Variants in CSMD1 observed in about 807,000 individuals in gnomAD.
CSMD1 encodes CUB and sushi domain-containing protein 1.
Under a neutral mutation model 417.5 loss-of-function variants are expected in CSMD1, and 213 were observed. The observed-to-expected ratio is 0.51, with a 90% CI of 0.46 to 0.57. The LOEUF is 0.57. CSMD1 is among the 20% of genes least tolerant of loss of function. The pLI, the probability that CSMD1 is intolerant of heterozygous loss-of-function variation, is 0.00. For missense variants in CSMD1, 6,923 were observed against 4,529.7 expected, an observed-to-expected ratio of 1.53 and a Z score of -15.17; for synonymous variants, 2,862 against 1,736.8, an observed-to-expected ratio of 1.65 and a Z score of -16.11.
intron 2 of CSMD1, among the ~76,000 whole-genome samples, chr8:4,633,639 C>T (rs1802667538): frequency 6.6e-6 from 1 of 152,154 alleles, no homozygotes; most frequent in Non-Finnish European, 1.5e-5. Flanking sequence ...TCACTGCAAC[C>T]TCCATTTCCC....
chr8:4,713,693 C>T (rs976601095), intron 1 of CSMD1, among the ~76,000 whole-genome samples: 1 of 152,174 alleles, frequency 6.6e-6, no homozygotes, highest in Admixed American at 6.5e-5. Flanking sequence ...TCCAGCTGCT[C>T]GCCACTGCCT....
Position 3,310,841 on chromosome 8 carries a change from G to A in CSMD1, c.3632-2338C>T, listed in dbSNP as rs575786885. Reference sequence around the variant, plus strand: ...CACCTTAACAAACCACACCCAATGTGACCCGAACTTCTCGTTTTTCAAGGG... The same window carrying A: ...CACCTTAACAAACCACACCCAATGTAACCCGAACTTCTCGTTTTTCAAGGG... On this transcript the variant is annotated intron_variant, in intron 23 of 69. Transcript: ENST00000635120. Among the ~76,000 whole-genome samples, 4 of 151,442 alleles carry A rather than the reference G, an allele frequency of 2.6e-5. No homozygotes were observed. The South Asian group carries it at 8.4e-4, about 32-fold the overall frequency.
chr8:3,097,406 T>C (rs1446651469), intron 46 of CSMD1, among the ~76,000 whole-genome samples: 1 of 152,140 alleles, frequency 6.6e-6, no homozygotes. Flanking sequence ...AGTGAAATGT[T>C]ATGCAATAAG....
intron 3 of CSMD1, among the ~76,000 whole-genome samples, chr8:4,137,343 C>T (rs1458478682): frequency 6.6e-6 from 1 of 151,724 alleles, no homozygotes; most frequent in Non-Finnish European, 1.5e-5. Flanking sequence ...CTAACTCAGA[C>T]ATGTTGAATA....
intron 5 of CSMD1, among the ~76,000 whole-genome samples, chr8:3,761,983 G>A (rs944586583): frequency 3.3e-5 from 5 of 151,908 alleles, no homozygotes; most frequent in Admixed American, 2.0e-4. Context: ...ATCCCTCTTG[G>A]TGACATCATC....
At chr8:3,960,682 A>G (rs1339254395) in intron 5 of CSMD1, among the ~76,000 whole-genome samples, 3 of 152,006 alleles carry the variant, frequency 2.0e-5, no homozygotes, top group African/African-American at 7.2e-5. Flanking sequence ...AAAACTTTTT[A>G]TAAAGATAAA....
At chr8:3,931,008 G>A (rs1810100051) in intron 5 of CSMD1, among the ~76,000 whole-genome samples, 1 of 150,602 alleles carries the variant, frequency 6.6e-6, no homozygotes, top group Admixed American at 6.6e-5. Flanking sequence ...GTGTTAACTA[G>A]CCATAGTGCT....
intron 3 of CSMD1, among the ~76,000 whole-genome samples, chr8:4,337,719 T>G (rs1563069887): frequency 6.6e-6 from 1 of 152,136 alleles, no homozygotes; most frequent in Non-Finnish European, 1.5e-5. Flanking sequence ...CACTCAAGTA[T>G]TTGCCATTGA....
chr8:4,812,494 C>G (rs898283888), intron 1 of CSMD1, among the ~76,000 whole-genome samples: 2 of 152,010 alleles, frequency 1.3e-5, no homozygotes, highest in African/African-American at 4.8e-5. Context: ...GACAGATATC[C>G]CAAATACCCC....
chr8:3,278,601 A>T (rs545590162), intron 26 of CSMD1: 26 of 152,298 alleles, frequency 1.7e-4, no homozygotes, highest in Middle Eastern at 3.4e-3. Flanking sequence ...AAATTATAAA[A>T]TTAGCATGGT....
chr8:4,983,843 T>G (rs77988888), intron 1 of CSMD1, among the ~76,000 whole-genome samples: 6 of 151,514 alleles, frequency 4.0e-5, no homozygotes, highest in African/African-American at 9.7e-5. Flanking sequence ...CAACATATGA[T>G]AGAACTAGAA....
intron 5 of CSMD1, among the ~76,000 whole-genome samples, chr8:3,948,686 T>TGC (rs1811406055): frequency 3.3e-5 from 5 of 152,208 alleles, no homozygotes; most frequent in Admixed American, 3.3e-4. Flanking sequence ...CAATGAGTTC[T>TGC]ATTCCACCAA....
At chr8:3,725,239 C>G (rs752701631) in intron 6 of CSMD1, among the ~76,000 whole-genome samples, 1 of 152,098 alleles carries the variant, frequency 6.6e-6, no homozygotes, top group Non-Finnish European at 1.5e-5. Flanking sequence ...GGAAGGCCCT[C>G]AAGGTGTGGG....
At chr8:4,649,955 G>A (rs894877373) in intron 1 of CSMD1, among the ~76,000 whole-genome samples, 14 of 152,168 alleles carry the variant, frequency 9.2e-5, no homozygotes, top group African/African-American at 2.2e-4. Context: ...ACAGAGTGTC[G>A]TTCACACAGA....
intron 5 of CSMD1, among the ~76,000 whole-genome samples, chr8:3,968,530 C>CT (rs200226007): frequency 0.013 from 1,950 of 149,378 alleles, 24 homozygotes; most frequent in Middle Eastern, 0.028. Flanking sequence ...CTGCAAATGC[C>CT]ATTTTTTTTC....
At chr8:4,216,042 C>T (rs1184148959) in intron 3 of CSMD1, among the ~76,000 whole-genome samples, 2 of 152,208 alleles carry the variant, frequency 1.3e-5, no homozygotes, top group Non-Finnish European at 2.9e-5. Context: ...GACAGCTGCA[C>T]ACCCACGCCA....
intron 3 of CSMD1, among the ~76,000 whole-genome samples, chr8:4,399,181 G>C (rs1299509656): frequency 6.6e-6 from 1 of 152,110 alleles, no homozygotes; most frequent in Non-Finnish European, 1.5e-5. Context: ...AATAAATAAA[G>C]ATGATCCTAG....
intron 7 of CSMD1, among the ~76,000 whole-genome samples, chr8:3,699,685 A>G (rs76260329): frequency 0.014 from 2,069 of 152,342 alleles, 43 homozygotes; most frequent in African/African-American, 0.047. Context: ...CTGAAACACT[A>G]TAAGACTATA....
At chr8:4,896,371 C>T (rs762937472) in intron 1 of CSMD1, among the ~76,000 whole-genome samples, 1 of 152,036 alleles carries the variant, frequency 6.6e-6, no homozygotes. Context: ...GGGAGCATTG[C>T]TTTTGCATTT....
Sources: allele counts gnomAD v4.1 joint callset (sites outside exome capture counted in the v4.1 genomes callset), GRCh38; gene constraint gnomAD v4.1.1; transcripts MANE v1.5; gene names NCBI Gene and HGNC (gene_info 2026-07-23, HGNC 2026-07-21).